Variants in CDK14 observed in about 807,000 individuals in gnomAD.
CDK14 encodes the protein cyclin-dependent kinase 14.
Under a neutral mutation model 60.7 loss-of-function variants are expected in CDK14, and 34 were observed. The observed-to-expected ratio is 0.56, with a 90% CI of 0.43 to 0.75. The LOEUF (loss-of-function observed/expected upper bound fraction) is 0.75. Ranked by LOEUF, CDK14 falls within the 30% of genes least tolerant of loss-of-function variation. CDK14 has a pLI of 0.00. For missense variants in CDK14, 482 were observed against 564.1 expected, an observed-to-expected ratio of 0.85 and a Z score of 1.47; for synonymous variants, 197 against 203.7, an observed-to-expected ratio of 0.97 and a Z score of 0.28.
chr7:90,832,285 G>A (rs796721538), intron 5 of CDK14, among the ~76,000 whole-genome samples: 6 of 152,256 alleles, frequency 3.9e-5, no homozygotes, highest in African/African-American at 1.2e-4. Context: ...ACTTGTAGGA[G>A]TAATCTTCTG....
chr7:90,748,103 G>A (rs1248834994), intron 4 of CDK14, among the ~76,000 whole-genome samples: 4 of 152,088 alleles, frequency 2.6e-5, no homozygotes, highest in African/African-American at 9.7e-5. Flanking sequence ...TAGAGATTTA[G>A]TGTTGGGAAT....
At chr7:90,650,887 T>G (rs17867006) in intron 2 of CDK14, among the ~76,000 whole-genome samples, 12,269 of 152,046 alleles carry the variant, frequency 0.081, 641 homozygotes, top group East Asian at 0.19. Flanking sequence ...AAGTCAGGTA[T>G]TGTGATGCCT....
chr7:91,140,631 T>C (rs545405980), intron 14 of CDK14, among the ~76,000 whole-genome samples: 1 of 152,370 alleles, frequency 6.6e-6, no homozygotes, highest in South Asian at 2.1e-4. Flanking sequence ...TGTGCTATGC[T>C]ACTTACCAGC....
intron 14 of CDK14, among the ~76,000 whole-genome samples, chr7:91,132,159 A>G (rs1490260812): frequency 3.3e-5 from 5 of 152,142 alleles, no homozygotes; most frequent in Non-Finnish European, 7.4e-5. Context: ...AGAACTTTGC[A>G]TGAAGCTATA....
chr7:91,075,769 GTC>G (rs202227971), intron 11 of CDK14, among the ~76,000 whole-genome samples: 1,622 of 152,300 alleles, frequency 0.011, 11 homozygotes, highest in Middle Eastern at 0.054. Flanking sequence ...CTTCAGCAAA[GTC>G]TCAGCATACA....
intron 5 of CDK14, among the ~76,000 whole-genome samples, chr7:90,812,560 A>G (rs1160369563): frequency 6.6e-6 from 1 of 152,208 alleles, no homozygotes; most frequent in Non-Finnish European, 1.5e-5. Flanking sequence ...TGGCACATGT[A>G]TACATATGTT....
At chr7:90,946,561 C>T (rs1222582834) in intron 8 of CDK14, among the ~76,000 whole-genome samples, 1 of 151,920 alleles carries the variant, frequency 6.6e-6, no homozygotes, top group Non-Finnish European at 1.5e-5. Flanking sequence ...GCTCAATAAT[C>T]GCCTCATTAA....
intron 4 of CDK14, among the ~76,000 whole-genome samples, chr7:90,755,306 C>T (rs2116839024): frequency 6.6e-6 from 1 of 152,280 alleles, no homozygotes; most frequent in African/African-American, 2.4e-5. Flanking sequence ...AAATCGTGTT[C>T]TTTGCAGCAT....
intron 2 of CDK14, among the ~76,000 whole-genome samples, chr7:90,618,159 A>C (rs1799691403): frequency 1.3e-5 from 2 of 152,196 alleles, no homozygotes; most frequent in Admixed American, 6.5e-5. Flanking sequence ...ATGACAGCTA[A>C]AATCTTTGTG....
intron 5 of CDK14, among the ~76,000 whole-genome samples, chr7:90,840,156 G>A (rs1790243559): frequency 6.6e-6 from 1 of 152,132 alleles, no homozygotes; most frequent in African/African-American, 2.4e-5. Context: ...AAGCTAAGAT[G>A]TTCTCTACTC....
At chr7:90,744,634 C>T (rs1416796420) in intron 3 of CDK14, among the ~76,000 whole-genome samples, 90 of 137,808 alleles carry the variant, frequency 6.5e-4, no homozygotes, top group Admixed American at 3.7e-3. Flanking sequence ...CTGGCTGGGC[C>T]GGGGGCTGAC....
At chr7:90,889,085 T>G (rs1013811181) in intron 6 of CDK14, among the ~76,000 whole-genome samples, 8 of 152,262 alleles carry the variant, frequency 5.3e-5, no homozygotes, top group African/African-American at 1.9e-4. Flanking sequence ...AACTATACAC[T>G]GAGTTTATTT....
intron 6 of CDK14, among the ~76,000 whole-genome samples, chr7:90,866,910 T>G (rs1424885743): frequency 6.6e-6 from 1 of 152,180 alleles, no homozygotes; most frequent in Non-Finnish European, 1.5e-5. Flanking sequence ...AGACCTAAAG[T>G]GTTCTGTAAT....
intron 11 of CDK14, among the ~76,000 whole-genome samples, chr7:91,063,446 C>A (rs1311054467): frequency 6.6e-6 from 1 of 152,234 alleles, no homozygotes; most frequent in Non-Finnish European, 1.5e-5. Flanking sequence ...GTCCTTCATG[C>A]AGCACTGGCA....
chr7:91,185,219 C>T (rs1241919521), intron 14 of CDK14, among the ~76,000 whole-genome samples: 1 of 151,032 alleles, frequency 6.6e-6, no homozygotes, highest in Admixed American at 6.6e-5. Context: ...AATAAAAGAA[C>T]TATTTAGAAA....
At chr7:90,797,194 C>G (rs1162584530) in intron 5 of CDK14, among the ~76,000 whole-genome samples, 1 of 151,658 alleles carries the variant, frequency 6.6e-6, no homozygotes, top group Non-Finnish European at 1.5e-5. Context: ...GTCTTGCAGT[C>G]TTGGAAGCTG....
chr7:91,200,478 T>C (rs896249224), intron 14 of CDK14, among the ~76,000 whole-genome samples: 2 of 152,224 alleles, frequency 1.3e-5, no homozygotes, highest in African/African-American at 2.4e-5. Flanking sequence ...TCTTGTAAGT[T>C]TGTTTTTTTC....
intron 2 of CDK14, among the ~76,000 whole-genome samples, chr7:90,606,879 G>A (rs538495791): frequency 2.0e-5 from 3 of 152,234 alleles, no homozygotes; most frequent in Non-Finnish European, 4.4e-5. Context: ...AACTTACCCC[G>A]GCCATGACAT....
chr7:91,017,406 A>G (rs566024147), intron 10 of CDK14, among the ~76,000 whole-genome samples: 1 of 152,280 alleles, frequency 6.6e-6, no homozygotes, highest in African/African-American at 2.4e-5. Context: ...CTTTTTATTA[A>G]ATACTCTCAA....
Sources: allele counts gnomAD v4.1 joint callset (sites outside exome capture counted in the v4.1 genomes callset), GRCh38; gene constraint gnomAD v4.1.1; transcripts MANE v1.5; gene names NCBI Gene and HGNC (gene_info 2026-07-23, HGNC 2026-07-21).